Variants in RPH3A observed in about 807,000 individuals in gnomAD.
RPH3A encodes the protein rabphilin-3A.
In RPH3A, 48 loss-of-function variants were observed where a neutral mutation model predicts 102.2. The observed-to-expected ratio is 0.47, with a 90% confidence interval of 0.37 to 0.60. The LOEUF (loss-of-function observed/expected upper bound fraction) is 0.60, where lower values mean the gene tolerates loss of function less well. Among genes scored for constraint, RPH3A ranks in the 20% least tolerant of loss-of-function variants. The pLI, the probability that RPH3A is intolerant of heterozygous loss-of-function variation, is 0.00. For synonymous variants in RPH3A, 310 were observed against 324.3 expected (o/e 0.96, Z 0.47); for missense variants, 781 against 910.1 (o/e 0.86, Z 1.83).
At chr12:112,810,446 G>C (rs964743887) in intron 2 of RPH3A, among the ~76,000 whole-genome samples, 1 of 152,196 alleles carries the variant, frequency 6.6e-6, no homozygotes. Flanking sequence ...CTCGGCCCTG[G>C]TTCGTTATCT....
chr12:112,859,304 T>C (rs1441601022), intron 5 of RPH3A, among the ~76,000 whole-genome samples: 6 of 152,194 alleles, frequency 3.9e-5, no homozygotes, highest in African/African-American at 1.4e-4. Flanking sequence ...GGTCATTGAC[T>C]GGAAAAGAGG....
intron 2 of RPH3A, among the ~76,000 whole-genome samples, chr12:112,806,374 C>T (rs926495451): frequency 6.6e-6 from 1 of 152,210 alleles, no homozygotes; most frequent in African/African-American, 2.4e-5. Flanking sequence ...CTGGCTCACG[C>T]CTGTAATCCC....
chr12:112,881,942 C>T, intron 15 of RPH3A, 96 bp downstream of exon 15: 1 of 845,718 alleles, frequency 1.2e-6, no homozygotes, highest in East Asian at 2.6e-5. Context: ...CCTTATCTGC[C>T]CCAAATCCCC....
chr12:112,650,718 A>T (rs1392471810), intron 1 of RPH3A: 1 of 151,736 alleles, frequency 6.6e-6, no homozygotes, highest in African/African-American at 2.4e-5. Context: ...GAAGTAATAG[A>T]TACTTGTTTA....
intron 1 of RPH3A, among the ~76,000 whole-genome samples, chr12:112,607,425 A>C (rs865783628): frequency 1.3e-5 from 2 of 152,228 alleles, no homozygotes; most frequent in African/African-American, 4.8e-5. Context: ...ATTTATGTAC[A>C]TAATTACCCG....
In RPH3A at chr12:112,897,123, C is replaced by G. The variant is rs2043191808; in HGVS notation, c.*343C>G. The G allele has an allele frequency of 3.8e-6, 1 of 263,906 alleles. No homozygotes were observed. Among genetic ancestry groups the G allele is most frequent in the Non-Finnish European group, 7.5e-6 (1 of 132,774 alleles). The allele number at this position is 263,906 out of a possible 1,614,324, so 16.3% of individuals were successfully genotyped here. ...TCATTTAGGACTGTTTTTAGACCCTCCTAGCCTTGAACACACACATGTACA... is the reference window on the plus strand; with the variant it reads ...TCATTTAGGACTGTTTTTAGACCCTGCTAGCCTTGAACACACACATGTACA... On this transcript the variant is annotated 3_prime_UTR_variant, in exon 22 of 22. Transcript: ENST00000389385.
At chr12:112,671,015 AGTTTAGTT>A (rs1337136599) in intron 1 of RPH3A, among the ~76,000 whole-genome samples, 4 of 151,794 alleles carry the variant, frequency 2.6e-5, no homozygotes, top group Admixed American at 6.6e-5. Flanking sequence ...GAGATGCCCA[AGTTTAGTT>A]GTTAAAAAAA....
At chr12:112,697,592 A>G (rs1056957467) in intron 1 of RPH3A, among the ~76,000 whole-genome samples, 5 of 152,228 alleles carry the variant, frequency 3.3e-5, no homozygotes, top group African/African-American at 4.8e-5. Flanking sequence ...AGGGCCAGGC[A>G]TGGTGACTCA....
At chr12:112,742,303 C>G (rs1330928610) in intron 1 of RPH3A, among the ~76,000 whole-genome samples, 1 of 152,094 alleles carries the variant, frequency 6.6e-6, no homozygotes, top group Admixed American at 6.5e-5. Context: ...TGGGTAGACT[C>G]TTCCGGGAAA....
chr12:112,763,246 C>T (rs372700517), intron 1 of RPH3A, among the ~76,000 whole-genome samples: 104 of 152,246 alleles, frequency 6.8e-4, no homozygotes, highest in Non-Finnish European at 1.1e-3. Context: ...AAATGCTCAC[C>T]GAATGAATGT....
At chr12:112,753,113 T>C (rs4767003) in intron 1 of RPH3A, among the ~76,000 whole-genome samples, 85,762 of 151,784 alleles carry the variant, frequency 0.57, 24,383 homozygotes, top group East Asian at 0.78. Context: ...TCTCGTGGAA[T>C]GTTCAAGAGA....
chr12:112,689,992 GA>G (rs1360045098), intron 1 of RPH3A, among the ~76,000 whole-genome samples: 11 of 152,158 alleles, frequency 7.2e-5, no homozygotes, highest in African/African-American at 2.7e-4. Context: ...ATGCTTTTCT[GA>G]AAAGTGAGGA....
intron 1 of RPH3A, among the ~76,000 whole-genome samples, chr12:112,772,959 C>T (rs572009106): frequency 1.0e-3 from 152 of 152,134 alleles, no homozygotes; most frequent in African/African-American, 3.6e-3. Context: ...AGCTTAGCTC[C>T]CACATATCAG....
chr12:112,819,849 G>T (rs991334864), intron 2 of RPH3A, among the ~76,000 whole-genome samples: 6 of 152,198 alleles, frequency 3.9e-5, no homozygotes, highest in African/African-American at 1.4e-4. Context: ...GTGATTGCAG[G>T]GTTGCTAAAA....
intron 2 of RPH3A, among the ~76,000 whole-genome samples, chr12:112,814,778 A>G (rs1462650022): frequency 1.3e-5 from 2 of 152,200 alleles, no homozygotes; most frequent in Admixed American, 6.5e-5. Context: ...ATGAGGTTGT[A>G]TATGAAAATT....
At chr12:112,771,867 C>T (rs1040004229) in intron 1 of RPH3A, among the ~76,000 whole-genome samples, 7 of 152,142 alleles carry the variant, frequency 4.6e-5, no homozygotes, top group African/African-American at 1.7e-4. Flanking sequence ...AAGAACATCA[C>T]TTTATAAGAA....
chr12:112,647,786 C>A (rs1347671998), intron 1 of RPH3A, among the ~76,000 whole-genome samples: 1 of 152,082 alleles, frequency 6.6e-6, no homozygotes, highest in Non-Finnish European at 1.5e-5. Context: ...AGGCAGTGAA[C>A]GGTTTGAGGA....
chr12:112,657,688 T>C (rs540225798), intron 1 of RPH3A, among the ~76,000 whole-genome samples: 3 of 152,314 alleles, frequency 2.0e-5, no homozygotes, highest in African/African-American at 7.2e-5. Flanking sequence ...TGGTATGTGA[T>C]TGTATTATGA....
intron 5 of RPH3A, among the ~76,000 whole-genome samples, chr12:112,848,623 A>G (rs1565917670): frequency 6.6e-6 from 1 of 152,122 alleles, no homozygotes; most frequent in Non-Finnish European, 1.5e-5. Flanking sequence ...TGGTGACACT[A>G]TGTGTTTAAT....
Sources: gnomAD v4.1 joint callset for allele counts (sites outside exome capture counted in the v4.1 genomes callset) on GRCh38, gnomAD v4.1.1 for gene constraint, MANE v1.5 for transcripts, NCBI Gene and HGNC (gene_info 2026-07-23, HGNC 2026-07-21) for gene names.